ZBTB11: variants seen among roughly 807,000 people sequenced by gnomAD.
ZBTB11 encodes the protein zinc finger and BTB domain-containing protein 11.
ZBTB11 carries 68 observed loss-of-function variants against 113.1 expected under a neutral mutation model. That is an observed-to-expected ratio of 0.60 (90% confidence interval 0.49 to 0.74). The LOEUF (loss-of-function observed/expected upper bound fraction) is 0.74, where lower values mean the gene tolerates loss of function less well. Among genes scored for constraint, ZBTB11 ranks in the 30% least tolerant of loss-of-function variants. The pLI, the probability that ZBTB11 is intolerant of heterozygous loss-of-function variation, is 0.00. For missense variants in ZBTB11, 1,104 were observed against 1,279.4 expected (o/e 0.86, Z 2.09); for synonymous variants, 518 against 452.6 (o/e 1.14, Z -1.83).
At chr3:101,673,787 T>C (rs1010527202) in intron 1 of ZBTB11, among the ~76,000 whole-genome samples, 1 of 152,238 alleles carries the variant, frequency 6.6e-6, no homozygotes, top group Admixed American at 6.5e-5. Context: ...AGTGCTGGGA[T>C]GACGGGCATG....
chr3:101,671,350 T>C lies in ZBTB11; in HGVS notation c.558A>G (p.Lys186=), dbSNP rs1379454628. ...SKHELVFVDT[K]GVVKRSSPKH... is the part of the protein sequence containing the mutation. ...TTGGAGAAGAACGTTTTACCACTCC[T>C]TTGGTGTCAACCTGTCAAAATAAGT... is the stretch of plus-strand genomic sequence containing the variant. The change falls in exon 3 of 11, where the codon AAA becomes AAG. Residue 186 remains lysine, a synonymous_variant. Transcript: ENST00000312938. 1 of 1,614,018 alleles carries C rather than the reference T, an allele frequency of 6.2e-7. No individual in the cohort carries two copies. Among genetic ancestry groups the C allele is most frequent in the Non-Finnish European group, 8.5e-7 (1 of 1,179,910 alleles).
chr3:101,665,166 CTA>C lies in ZBTB11; in HGVS notation c.1419_1420del (p.His473GlnfsTer5). 2 of 1,614,138 alleles carry C rather than the reference CTA, an allele frequency of 1.2e-6. No individual in the cohort carries two copies. The highest frequency in any genetic ancestry group is 1.7e-6 in the Non-Finnish European group (2 of 1,180,022). On this transcript the variant is annotated frameshift_variant, in exon 4 of 11. Transcript: ENST00000312938. LOFTEE classifies it high-confidence loss of function. ...TTTTAAAGGTTGGTCAACTTTCTGC[CTA>C]TGTTTTGGAATGTCTTCGGCACAAA...
chr3:101,652,333 A>G (rs56149020), intron 10 of ZBTB11, among the ~76,000 whole-genome samples, 163 bp downstream of exon 10: 12,168 of 152,258 alleles, frequency 0.08, 725 homozygotes, highest in Admixed American at 0.19. Context: ...ATCTATTTAT[A>G]TACACAATAA....
chr3:101,651,507 C>T lies in ZBTB11; in HGVS notation c.2821G>A (p.Val941Met). Residue 941 changes from valine (V) to methionine (M), a missense_variant, in exon 11 of 11, where the codon GTG (valine) becomes ATG (methionine). By Grantham distance (21) the Val-to-Met change is conservative. Around this residue, in one of 5 missense-constraint regions of ZBTB11, gnomAD observed 148 missense variants for 259.3 expected, o/e 0.57. Transcript: ENST00000312938. ...KHMTKFHRDYVPCKIMLEKDT... is the reference protein window; with the variant it reads ...KHMTKFHRDYMPCKIMLEKDT... ...TTTTCCAGCATAATTTTGCAAGGCACATAGTCTCTGTGGAATTTAGTCATA... is the reference window on the plus strand; with the variant it reads ...TTTTCCAGCATAATTTTGCAAGGCATATAGTCTCTGTGGAATTTAGTCATA... 2 of 1,614,128 alleles carry T rather than the reference C, an allele frequency of 1.2e-6. No individual in the cohort carries two copies. The highest frequency in any genetic ancestry group is 2.2e-5 in the East Asian group (1 of 44,874).
At position 101,676,434 on chromosome 3, in the gene ZBTB11, G is replaced by A. The variant is rs931973511; in HGVS notation, c.310+171C>T. 12 of 644,406 alleles carry A rather than the reference G, an allele frequency of 1.9e-5. No homozygotes were observed. The East Asian group carries it at 2.4e-4, about 13-fold the overall frequency. 39.9% of individuals were successfully genotyped at this position (644,406 alleles called of 1,614,324 possible). A position where few individuals can be genotyped will look rare whatever the true frequency, so the allele number is the denominator to read the frequency against. ...AGCTTCGCCGGCCTCCTTCCTGTGG[G>A]AAGTGCGGCTCCTTTCGCGTCCCCC... On this transcript the variant is annotated intron_variant, in intron 1 of 10. Transcript: ENST00000312938.
chr3:101,662,249 CT>C (rs1220057146), intron 5 of ZBTB11: 1 of 152,158 alleles, frequency 6.6e-6, no homozygotes, highest in African/African-American at 2.4e-5. Flanking sequence ...TCAAGTGATC[CT>C]CCCATCTCTG....
At chr3:101,654,641 T>G in intron 8 of ZBTB11, 63 bp downstream of exon 8, 3 of 1,386,566 alleles carry the variant, frequency 2.2e-6, no homozygotes, top group Non-Finnish European at 3.0e-6. Flanking sequence ...TTCAAATATT[T>G]TTTTGAAAAC....
At position 101,671,148 on chromosome 3, in the gene ZBTB11, C is replaced by T. The variant is rs184261519; in HGVS notation, c.760G>A (p.Ala254Thr). 345 of 1,614,022 alleles carry T rather than the reference C, an allele frequency of 2.1e-4. No individual in the cohort carries two copies. Among genetic ancestry groups the T allele is most frequent in the Admixed American group, 5.3e-4 (32 of 60,008 alleles). The change falls in exon 3 of 11, where the codon GCT becomes ACT. Residue 254 changes from alanine (A) to threonine (T), a missense_variant. By Grantham distance (58) the Ala-to-Thr change is moderately conservative (BLOSUM62 0). Coordinates refer to ENST00000312938, the MANE Select transcript of ZBTB11 (RefSeq NM_014415.4). ...CCCTTACCAGAAAGATCCACCACAG[C>T]CTCATGACTGGAAACAGCTCCTTTC... ...IEKGAVSSHE[A>T]VVDLSGFCKA...
Position 101,659,858 on chromosome 3 carries a change from T to C in ZBTB11, c.1971A>G (p.Gly657=). ...GAGAATATAATTTAGGTAATGTTCT[T>C]CCACATATGGAACATATAAATTCCC... ...TKREFICSIC[G]RTLPKLYSLR... The change falls in exon 6 of 11, where the codon GGA becomes GGG. Residue 657 remains glycine, a synonymous_variant. Transcript: ENST00000312938. 6.2e-7 allele frequency: 1 copy of C among 1,614,204 alleles called. No individual in the cohort carries two copies. The highest frequency in any genetic ancestry group is 1.3e-5 in the African/African-American group (1 of 75,064).
At position 101,665,007 on chromosome 3, in the gene ZBTB11, T is replaced by C. The variant is rs1243916636; in HGVS notation, c.1580A>G (p.Lys527Arg). The change falls in exon 4 of 11, where the codon AAG becomes AGG. Residue 527 changes from lysine (K) to arginine (R), a missense_variant. Physicochemically the swap from Lys to Arg is conservative, Grantham distance 26. Coordinates refer to ENST00000312938, the MANE Select transcript of ZBTB11 (RefSeq NM_014415.4). ...GGGAACGGCTTTCCGTTTCTGCAGC[T>C]TTTTCTCCATTCCCTTGTGTAGTCG... ...YIRLHKGMEK[K>R]LQKRKAVPKS... The C allele has an allele frequency of 6.2e-7, 1 of 1,612,876 alleles. No homozygotes were observed. Among genetic ancestry groups the C allele is most frequent in the African/African-American group, 1.3e-5 (1 of 74,884 alleles).
In ZBTB11 at chr3:101,672,158, T is replaced by A. The variant is rs772708885; in HGVS notation, c.366A>T (p.Lys122Asn). 1.2e-6 allele frequency: 2 copies of A among 1,614,174 alleles called. No homozygotes were observed. The part of the protein sequence containing the change: ...YIKQCSKCQE[K>N]LDRSRPISDV... ...CTGATATTGGACGGGATCGATCTAGTTTCTCCTGGCATTTGCTACACTGTT... is the reference window on the plus strand; with the variant it reads ...CTGATATTGGACGGGATCGATCTAGATTCTCCTGGCATTTGCTACACTGTT... The change falls in exon 2 of 11, where the codon AAA becomes AAT. Residue 122 changes from lysine to asparagine, a missense_variant. By Grantham distance (94) the Lys-to-Asn change is moderately conservative. This residue lies in a region of ZBTB11 where 245 missense variants were observed against 272.5 expected (regional missense o/e 0.90). Coordinates refer to ENST00000312938, the MANE Select transcript of ZBTB11 (RefSeq NM_014415.4).
intron 5 of ZBTB11, among the ~76,000 whole-genome samples, chr3:101,661,790 T>A (rs1237467336): frequency 1.3e-5 from 2 of 152,334 alleles, no homozygotes; most frequent in East Asian, 3.9e-4. Context: ...GAAACTTCTA[T>A]CCTTAAGTTC....
chr3:101,671,182 A>C lies in ZBTB11; in HGVS notation c.726T>G (p.Leu242=). The C allele has an allele frequency of 6.2e-7, 1 of 1,614,192 alleles. No individual in the cohort carries two copies. The highest frequency in any genetic ancestry group is 8.5e-7 in the Non-Finnish European group (1 of 1,180,022). The change falls in exon 3 of 11, where the codon CTT becomes CTG. Residue 242 remains leucine, a synonymous_variant. Coordinates refer to ENST00000312938, the MANE Select transcript of ZBTB11 (RefSeq NM_014415.4). ...LSANSEYFRD[L]FIEKGAVSSH... Reference sequence around the variant, plus strand: ...TGGAAACAGCTCCTTTCTCAATAAAAAGATCTCGAAAATACTCGCTATTTG... The same window carrying C: ...TGGAAACAGCTCCTTTCTCAATAAACAGATCTCGAAAATACTCGCTATTTG...
At chr3:101,676,434 G>C (rs931973511) in intron 1 of ZBTB11, 171 bp downstream of exon 1, 1 of 644,406 alleles carries the variant, frequency 1.6e-6, no homozygotes, top group African/African-American at 1.9e-5. Flanking sequence ...CTTCCTGTGG[G>C]AAGTGCGGCT....
Position 101,671,938 on chromosome 3 carries a change from T to G in ZBTB11, c.546+40A>C, listed in dbSNP as rs755181830. On this transcript the variant is annotated intron_variant, in intron 2 of 10. Transcript: ENST00000312938. ...ACCAAGGCTGCAAATACTAGTACAC[T>G]AGTTACAAATCTTAAAGCTGACTGG... The G allele has an allele frequency of 2.7e-6, 4 of 1,487,992 alleles. No individual in the cohort carries two copies. The South Asian group carries it at 4.5e-5, about 17-fold the overall frequency. The allele number at this position is 1,487,992 out of a possible 1,614,324, so 92.2% of individuals were successfully genotyped here. A position where few individuals can be genotyped will look rare whatever the true frequency, so the allele number is the denominator to read the frequency against.
At chr3:101,662,521 G>A (rs1052092409) in intron 5 of ZBTB11, among the ~76,000 whole-genome samples, 1 of 152,124 alleles carries the variant, frequency 6.6e-6, no homozygotes, top group Non-Finnish European at 1.5e-5. Context: ...CTACTCGGGA[G>A]GCTGAGGCAG....
At position 101,675,546 on chromosome 3, in the gene ZBTB11, G is replaced by T. The variant is rs7631731; in HGVS notation, c.310+1059C>A. On this transcript the variant is annotated intron_variant, in intron 1 of 10. Coordinates refer to ENST00000312938, the MANE Select transcript of ZBTB11 (RefSeq NM_014415.4). ...TGTTCCTAACAAAATTTCTTAAATG[G>T]GACTATAAACTATTAACTAATTCTG... is the stretch of plus-strand genomic sequence containing the variant. 9.3e-3 allele frequency among the ~76,000 whole-genome samples: 1,419 copies of T among 152,258 alleles called. 19 individuals carry two copies. Among genetic ancestry groups the T allele is most frequent in the African/African-American group, 0.032 (1,344 of 41,542 alleles).
At chr3:101,674,264 C>G (rs1937126970) in intron 1 of ZBTB11, among the ~76,000 whole-genome samples, 1 of 151,850 alleles carries the variant, frequency 6.6e-6, no homozygotes, top group Non-Finnish European at 1.5e-5. Context: ...TGCAGTGAGC[C>G]GAGATCGCGC....
At chr3:101,652,736 C>T (rs1172295273) in intron 9 of ZBTB11, 44 bp downstream of exon 9, 2 of 1,609,668 alleles carry the variant, frequency 1.2e-6, no homozygotes, top group South Asian at 1.1e-5. Context: ...AATCAGAGTA[C>T]ACACGTTATC....
Sources: gnomAD v4.1 joint callset for allele counts (sites outside exome capture counted in the v4.1 genomes callset) on GRCh38, gnomAD v4.1.1 for gene constraint, gnomAD v4.1.1 regional missense constraint, MANE v1.5 for transcripts, NCBI Gene and HGNC (gene_info 2026-07-23, HGNC 2026-07-21) for gene names.